The following CRIM1 variants were observed in gnomAD, a reference collection of about 807,000 sequenced individuals.
CRIM1 encodes the protein cysteine rich transmembrane BMP regulator 1.
A neutral mutation model predicts 116.4 loss-of-function variants in CRIM1; 32 were observed. The observed-to-expected ratio is 0.27, with a 90% confidence interval of 0.21 to 0.37. The LOEUF (loss-of-function observed/expected upper bound fraction) is 0.37. Among genes scored for constraint, CRIM1 ranks in the 10% least tolerant of loss-of-function variants. The pLI is 1.00. For missense variants in CRIM1, 1,331 were observed against 1,354.8 expected (o/e 0.98, Z 0.28); for synonymous variants, 590 against 509.2 (o/e 1.16, Z -2.13).
chr2:36,443,193 G>T (rs1050418288), intron 4 of CRIM1, among the ~76,000 whole-genome samples: 1 of 152,188 alleles, frequency 6.6e-6, no homozygotes, highest in African/African-American at 2.4e-5. Flanking sequence ...AGGTCAAGAG[G>T]AGTCTTAATT....
intron 2 of CRIM1, among the ~76,000 whole-genome samples, chr2:36,403,933 TGAGGGAGAC>T (rs1672599527): frequency 6.6e-6 from 1 of 152,144 alleles, no homozygotes; most frequent in African/African-American, 2.4e-5. Context: ...AGTCACCCTC[TGAGGGAGAC>T]TGTGGTGTCT....
chr2:36,410,484 A>G (rs944832504), intron 2 of CRIM1, among the ~76,000 whole-genome samples: 1 of 152,084 alleles, frequency 6.6e-6, no homozygotes, highest in Admixed American at 6.5e-5. Flanking sequence ...ATGAGCTACT[A>G]TTGTATCTTG....
At chr2:36,432,379 A>G (rs917775814) in intron 2 of CRIM1, among the ~76,000 whole-genome samples, 1 of 152,216 alleles carries the variant, frequency 6.6e-6, no homozygotes, top group Non-Finnish European at 1.5e-5. Flanking sequence ...GAATATATAA[A>G]TATAATTATT....
intron 4 of CRIM1, among the ~76,000 whole-genome samples, chr2:36,447,735 G>A (rs1676361045): frequency 6.6e-6 from 1 of 152,306 alleles, no homozygotes; most frequent in South Asian, 2.1e-4. Context: ...GATGAGATAA[G>A]CCACAAAGAA....
intron 11 of CRIM1, 99 bp from the exon 12 acceptor site, chr2:36,517,228 G>A: frequency 1.2e-6 from 1 of 869,460 alleles, no homozygotes; most frequent in East Asian, 2.5e-5. Context: ...GCTCTTCACA[G>A]TTCATCTCTT....
intron 8 of CRIM1, among the ~76,000 whole-genome samples, chr2:36,501,646 C>T (rs982426626): frequency 4.6e-5 from 7 of 152,084 alleles, no homozygotes; most frequent in East Asian, 1.9e-4. Flanking sequence ...CTCTTGAGCT[C>T]GGGAAGTCGA....
intron 13 of CRIM1, chr2:36,529,616 A>G (rs947862138): frequency 6.1e-6 from 1 of 163,990 alleles, no homozygotes; most frequent in Non-Finnish European, 1.3e-5. Context: ...TTCAACAACT[A>G]TCCATGAAGT....
chr2:36,530,314 G>A (rs1003926906), intron 13 of CRIM1, among the ~76,000 whole-genome samples: 11 of 152,076 alleles, frequency 7.2e-5, no homozygotes, highest in Non-Finnish European at 1.6e-4. Context: ...TGAGTTCTTA[G>A]TGGCCCGTAC....
At chr2:36,413,572 C>A (rs1673372141) in intron 2 of CRIM1, among the ~76,000 whole-genome samples, 1 of 152,266 alleles carries the variant, frequency 6.6e-6, no homozygotes, top group East Asian at 1.9e-4. Context: ...CCAGAACCAA[C>A]AAGCAGACAA....
intron 2 of CRIM1, among the ~76,000 whole-genome samples, chr2:36,411,424 T>C (rs901677208): frequency 1.3e-5 from 2 of 152,192 alleles, no homozygotes; most frequent in African/African-American, 4.8e-5. Context: ...TGTATGGATT[T>C]ATAATAAATA....
intron 2 of CRIM1, among the ~76,000 whole-genome samples, chr2:36,431,888 C>A (rs1674922123): frequency 6.6e-6 from 1 of 152,154 alleles, no homozygotes; most frequent in South Asian, 2.1e-4. Flanking sequence ...TTTCAAATTG[C>A]TGTCATTGTT....
rs1680958297 is a variant in CRIM1, at chr2:36,501,206, ACCAT to A, written c.1501+1860_1501+1863del. ...TTTCTGTGGGCCTGTGGTTGTAATT[ACCAT>A]GGCTCAGAGACTTGGACTTAACGTA... is the stretch of plus-strand genomic sequence containing the variant. On this transcript the variant is annotated intron_variant, in intron 8 of 16. Transcript: ENST00000280527. 2.6e-5 allele frequency among the ~76,000 whole-genome samples: 4 copies of A among 152,336 alleles called. No homozygotes were observed. The South Asian group carries it at 8.3e-4, about 32-fold the overall frequency.
chr2:36,418,138 G>A (rs1025534966), intron 2 of CRIM1, among the ~76,000 whole-genome samples: 5 of 152,188 alleles, frequency 3.3e-5, no homozygotes, highest in African/African-American at 4.8e-5. Context: ...TAAAGTAAGA[G>A]CTCAAGGAGG....
intron 1 of CRIM1, among the ~76,000 whole-genome samples, chr2:36,370,978 A>T (rs537994336): frequency 6.6e-6 from 1 of 152,320 alleles, no homozygotes; most frequent in African/African-American, 2.4e-5. Flanking sequence ...TAGGTTTTCC[A>T]ACTTTATTTC....
At chr2:36,406,006 C>T (rs151171994) in intron 2 of CRIM1, among the ~76,000 whole-genome samples, 2,144 of 152,264 alleles carry the variant, frequency 0.014, 23 homozygotes, top group Middle Eastern at 0.031. Flanking sequence ...ACAAATATGT[C>T]TAAAACTTTA....
intron 7 of CRIM1, among the ~76,000 whole-genome samples, chr2:36,481,748 G>T (rs1679433877): frequency 6.6e-6 from 1 of 152,116 alleles, no homozygotes; most frequent in Non-Finnish European, 1.5e-5. Context: ...CCATTGTGTG[G>T]CTGAGTGAAG....
At chr2:36,459,268 T>G (rs1677399215) in intron 4 of CRIM1, among the ~76,000 whole-genome samples, 1 of 152,112 alleles carries the variant, frequency 6.6e-6, no homozygotes, top group Non-Finnish European at 1.5e-5. Context: ...AATGTTTGAG[T>G]GGGTACCCTG....
Position 36,547,088 on chromosome 2 carries a change from C to T in CRIM1, c.2851C>T (p.Leu951Phe), listed in dbSNP as rs1362318996. 2 of 1,611,306 alleles carry T rather than the reference C, an allele frequency of 1.2e-6. No homozygotes were observed. Among genetic ancestry groups the T allele is most frequent in the Non-Finnish European group, 1.7e-6 (2 of 1,177,714 alleles). The part of the protein sequence containing the change: ...ASVVVPIIIC[L>F]SIIIAFLFIN... Reference sequence around the variant, plus strand: ...AGTTGTGGTTCCCATAATTATATGCCTCTCTATTATAATAGCATTCCTATT... The same window carrying T: ...AGTTGTGGTTCCCATAATTATATGCTTCTCTATTATAATAGCATTCCTATT... The change falls in exon 16 of 17, where the codon CTC becomes TTC. Residue 951 changes from leucine to phenylalanine, a missense_variant. Physicochemically the swap from Leu to Phe is conservative, Grantham distance 22. Coordinates refer to ENST00000280527, the MANE Select transcript of CRIM1 (RefSeq NM_016441.3).
At chr2:36,363,539 C>CCT (rs1031346555) in intron 1 of CRIM1, among the ~76,000 whole-genome samples, 1 of 144,714 alleles carries the variant, frequency 6.9e-6, no homozygotes. Flanking sequence ...GCCCCCCCCC[C>CCT]CCATGACTAT....
Sources: allele counts gnomAD v4.1 joint callset (sites outside exome capture counted in the v4.1 genomes callset), GRCh38; gene constraint gnomAD v4.1.1; transcripts MANE v1.5; gene names NCBI Gene and HGNC (gene_info 2026-07-23, HGNC 2026-07-21).